NDUFS4: variants seen among roughly 807,000 people sequenced by gnomAD.
The protein encoded by NDUFS4 is NADH:ubiquinone oxidoreductase subunit S4.
In NDUFS4, 28 loss-of-function variants were observed where a neutral mutation model predicts 24.3. The ratio of observed to expected loss-of-function variants is 1.15; its 90% CI spans 0.85 to 1.58. The LOEUF (loss-of-function observed/expected upper bound fraction) is 1.58, where lower values mean the gene tolerates loss of function less well. NDUFS4 is among the 40% of genes most tolerant of loss of function. The probability of loss-of-function intolerance (pLI) is 0.00; values close to 1 mark genes in which losing one functional copy is unlikely to be tolerated. For missense variants in NDUFS4, 223 were observed against 207.9 expected (o/e 1.07, Z -0.45); for synonymous variants, 93 against 69.7 (o/e 1.34, Z -1.67).
intron 2 of NDUFS4, among the ~76,000 whole-genome samples, chr5:53,606,497 C>T (rs1250248738): frequency 1.3e-5 from 2 of 152,130 alleles, no homozygotes; most frequent in African/African-American, 4.8e-5. Context: ...CTCCCGAGTA[C>T]CTAGGATTAC....
At chr5:53,566,745 T>C (rs1749039240) in intron 1 of NDUFS4, among the ~76,000 whole-genome samples, 1 of 152,102 alleles carries the variant, frequency 6.6e-6, no homozygotes, top group Non-Finnish European at 1.5e-5. Context: ...CAATGTAAAT[T>C]CTCTGTAAAT....
chr5:53,615,204 C>G (rs438736), intron 2 of NDUFS4, among the ~76,000 whole-genome samples: 30,960 of 151,692 alleles, frequency 0.2, 3,686 homozygotes, highest in East Asian at 0.46. Context: ...AATTAGCCAG[C>G]TTGCCAGATA....
At chr5:53,584,916 C>T (rs144275184) in intron 1 of NDUFS4, among the ~76,000 whole-genome samples, 33 of 151,692 alleles carry the variant, frequency 2.2e-4, no homozygotes, top group Non-Finnish European at 4.3e-4. Context: ...TACAGGTGTA[C>T]GCCACCACAC....
chr5:53,615,989 A>T (rs559858175), intron 2 of NDUFS4, among the ~76,000 whole-genome samples: 23 of 152,128 alleles, frequency 1.5e-4, no homozygotes, highest in Non-Finnish European at 3.2e-4. Context: ...AAGATTTGAC[A>T]TCCAAAGAAT....
At position 53,668,074 on chromosome 5, in the gene NDUFS4, C is replaced by G. The variant is rs114689217; in HGVS notation, c.424+9450C>G. On this transcript the variant is annotated intron_variant, in intron 4 of 4. Coordinates refer to ENST00000296684, the MANE Select transcript of NDUFS4 (RefSeq NM_002495.4). The stretch of plus-strand genomic sequence containing the variant: ...ATTAATGCTTGCCTTTCAGTAGTAT[C>G]TAGAAATAGGAAGTTAGGGTAAAAC... Among the ~76,000 whole-genome samples, 301 of 152,244 alleles carry G rather than the reference C, an allele frequency of 2.0e-3. 1 individual carries two copies. Among genetic ancestry groups the G allele is most frequent in the African/African-American group, 6.6e-3 (276 of 41,524 alleles).
chr5:53,580,751 CT>C (rs1749539832), intron 1 of NDUFS4, among the ~76,000 whole-genome samples: 1 of 139,096 alleles, frequency 7.2e-6, no homozygotes, highest in Non-Finnish European at 1.5e-5. Flanking sequence ...CCTTTCCTTC[CT>C]TTCTCTTTCT....
intron 1 of NDUFS4, among the ~76,000 whole-genome samples, chr5:53,584,703 T>C (rs1484796718): frequency 6.6e-6 from 1 of 152,162 alleles, no homozygotes; most frequent in African/African-American, 2.4e-5. Context: ...TCTTGTTAGA[T>C]CTTTTAAACT....
chr5:53,678,270 A>C lies in NDUFS4; in HGVS notation c.425-4848A>C, dbSNP rs73754286. On this transcript the variant is annotated intron_variant, in intron 4 of 4. Coordinates refer to ENST00000296684, the MANE Select transcript of NDUFS4 (RefSeq NM_002495.4). The stretch of plus-strand genomic sequence containing the variant: ...GTTTACTACAGCATTTTCCAAAGGT[A>C]CTTCTCTGATACTAGGGCTTAAAGT... 7.2e-3 allele frequency among the ~76,000 whole-genome samples: 1,100 copies of C among 152,330 alleles called. 14 individuals are homozygous for C. Among genetic ancestry groups the C allele is most frequent in the African/African-American group, 0.025 (1,051 of 41,570 alleles).
chr5:53,638,353 C>T (rs1050508406), intron 2 of NDUFS4, among the ~76,000 whole-genome samples: 1 of 151,992 alleles, frequency 6.6e-6, no homozygotes, highest in African/African-American at 2.4e-5. Flanking sequence ...TAGAATTTTA[C>T]TTTAAGAAGT....
chr5:53,681,887 T>TTAAC lies in NDUFS4; in HGVS notation c.425-1229_425-1226dup, dbSNP rs558822301. 1.1e-4 allele frequency among the ~76,000 whole-genome samples: 16 copies of TTAAC among 152,258 alleles called. 1 individual carries two copies. In the South Asian group the frequency reaches 2.9e-3, roughly 28 times the overall value. On this transcript the variant is annotated intron_variant, in intron 4 of 4. Transcript: ENST00000296684. ...CTTTGATGAGTTGAGTTCCATAGGCTTAACTTTTGTGGTAAAACTGAATAC... is the reference window on the plus strand; with the variant it reads ...CTTTGATGAGTTGAGTTCCATAGGCTTAACTAACTTTTGTGGTAAAACTGAATAC...
chr5:53,627,937 A>G (rs2112485850), intron 2 of NDUFS4, among the ~76,000 whole-genome samples: 1 of 152,262 alleles, frequency 6.6e-6, no homozygotes, highest in East Asian at 1.9e-4. Flanking sequence ...GAGTGGTGAG[A>G]GAGGGCATCC....
Position 53,605,920 on chromosome 5 carries a change from A to G in NDUFS4, c.177+2390A>G, listed in dbSNP as rs1428947543. Among the ~76,000 whole-genome samples, 5 of 151,788 alleles carry G rather than the reference A, an allele frequency of 3.3e-5. No homozygotes were observed. The East Asian group carries it at 9.8e-4, about 30-fold the overall frequency. ...TCCCAGCTGCTGAGGAGGCTGAGGCAGGAGAATGGCGTGAACCTGGGAGGC... is the reference window on the plus strand; with the variant it reads ...TCCCAGCTGCTGAGGAGGCTGAGGCGGGAGAATGGCGTGAACCTGGGAGGC... On this transcript the variant is annotated intron_variant, in intron 2 of 4. Coordinates refer to ENST00000296684, the MANE Select transcript of NDUFS4 (RefSeq NM_002495.4).
At chr5:53,632,682 C>T (rs1190824385) in intron 2 of NDUFS4, among the ~76,000 whole-genome samples, 1 of 152,120 alleles carries the variant, frequency 6.6e-6, no homozygotes, top group African/African-American at 2.4e-5. Flanking sequence ...AATTATAGGA[C>T]TGCATCTTGA....
chr5:53,582,964 C>T (rs187425062), intron 1 of NDUFS4, among the ~76,000 whole-genome samples: 64 of 152,208 alleles, frequency 4.2e-4, no homozygotes, highest in African/African-American at 1.5e-3. Flanking sequence ...TACAGTGGCA[C>T]GATCTCGGCT....
intron 1 of NDUFS4, among the ~76,000 whole-genome samples, chr5:53,585,842 CAT>C (rs1487092630): frequency 1.3e-5 from 2 of 151,258 alleles, no homozygotes; most frequent in African/African-American, 2.4e-5. Flanking sequence ...TGCTTTTATG[CAT>C]ATGTTTTTTG....
chr5:53,617,638 A>G (rs935067425), intron 2 of NDUFS4, among the ~76,000 whole-genome samples: 1 of 152,170 alleles, frequency 6.6e-6, no homozygotes, highest in African/African-American at 2.4e-5. Context: ...AAGGAGCAAC[A>G]TCAAAACTAG....
chr5:53,683,302 C>A lies in NDUFS4; in HGVS notation c.*81C>A, dbSNP rs1205665092. The A allele has an allele frequency of 1.0e-6, 1 of 976,028 alleles. No homozygotes were observed. Among genetic ancestry groups the A allele is most frequent in the Non-Finnish European group, 1.6e-6 (1 of 606,366 alleles). 60.5% of individuals were successfully genotyped at this position (976,028 alleles called of 1,614,324 possible). On this transcript the variant is annotated 3_prime_UTR_variant, in exon 5 of 5. Coordinates refer to ENST00000296684, the MANE Select transcript of NDUFS4 (RefSeq NM_002495.4). ...TATAGTCCATGTATAATAAATACATCTCTTAATCTCCTAATAAATTGGACC... is the reference window on the plus strand; with the variant it reads ...TATAGTCCATGTATAATAAATACATATCTTAATCTCCTAATAAATTGGACC...
At chr5:53,620,066 G>C (rs1467251999) in intron 2 of NDUFS4, among the ~76,000 whole-genome samples, 1 of 151,734 alleles carries the variant, frequency 6.6e-6, no homozygotes, top group Non-Finnish European at 1.5e-5. Flanking sequence ...AGGATTGCCT[G>C]AGCCCAGGAG....
intron 4 of NDUFS4, among the ~76,000 whole-genome samples, chr5:53,663,301 T>C (rs1383375231): frequency 1.3e-5 from 2 of 152,148 alleles, no homozygotes; most frequent in Non-Finnish European, 2.9e-5. Flanking sequence ...AAAAAATGTA[T>C]ATTCTGTTGA....
Sources: allele counts gnomAD v4.1 joint callset (sites outside exome capture counted in the v4.1 genomes callset), GRCh38; gene constraint gnomAD v4.1.1; transcripts MANE v1.5; gene names NCBI Gene and HGNC (gene_info 2026-07-23, HGNC 2026-07-21).